TMEM94: variants seen among roughly 807,000 people sequenced by gnomAD.
The protein encoded by TMEM94 is ER Mg2+ ATPase.
In TMEM94, 81 loss-of-function variants were observed where a neutral mutation model predicts 158.6. The observed-to-expected ratio is 0.51, with a 90% CI of 0.43 to 0.61. The LOEUF (loss-of-function observed/expected upper bound fraction) is 0.61. Among genes scored for constraint, TMEM94 ranks in the 20% least tolerant of loss-of-function variants. The pLI, the probability that TMEM94 is intolerant of heterozygous loss-of-function variation, is 0.00. For synonymous variants in TMEM94, 751 were observed against 730.7 expected, an observed-to-expected ratio of 1.03 and a Z score of -0.45; for missense variants, 1,435 against 1,762.0, an observed-to-expected ratio of 0.81 and a Z score of 3.32.
In TMEM94 at chr17:75,491,736, C is replaced by T. The variant is rs773456356; in HGVS notation, c.1432C>T (p.Leu478=). ...ALLAGSLNNT[L]HLSNEQERGD... ...CCTGGCTGGCTCCCTGAACAACACC[C>T]TGCACCTTTCCAATGAGCAGGAGCG... The change falls in exon 14 of 32, where the codon CTG becomes TTG. Residue 478 remains leucine (L), a synonymous_variant. Coordinates refer to ENST00000314256, the MANE Select transcript of TMEM94 (RefSeq NM_014738.6). The surrounding 1 kb of genome is among the most constrained non-coding windows in gnomAD (Gnocchi z 5.1). 3 of 1,614,096 alleles carry T rather than the reference C, an allele frequency of 1.9e-6. No individual in the cohort carries two copies. Among genetic ancestry groups the T allele is most frequent in the East Asian group, 2.2e-5 (1 of 44,882 alleles).
chr17:75,464,925 C>T (rs1445481541), intron 1 of TMEM94, among the ~76,000 whole-genome samples: 4 of 151,690 alleles, frequency 2.6e-5, no homozygotes, highest in Non-Finnish European at 4.4e-5. Context: ...TCTTGAACTC[C>T]CGACCTCAGG....
Position 75,489,190 on chromosome 17 carries a change from G to A in TMEM94, c.765-76G>A, listed in dbSNP as rs1322227837. 2.2e-6 allele frequency: 3 copies of A among 1,389,790 alleles called. No homozygotes were observed. The East Asian group carries it at 6.9e-5, about 32-fold the overall frequency. 86.1% of individuals were successfully genotyped at this position (1,389,790 alleles called of 1,614,324 possible). ...GCTTGAAGAAGCGGTATCTGGCAGA[G>A]AGGCCCAGAATCCTCCCAAGGTGTA... On this transcript the variant is annotated intron_variant, in intron 7 of 31. Coordinates refer to ENST00000314256, the MANE Select transcript of TMEM94 (RefSeq NM_014738.6). The surrounding 1 kb of genome is among the most constrained non-coding windows in gnomAD (Gnocchi z 5.0).
chr17:75,486,269 G>A, intron 4 of TMEM94, 21 bp from the exon 5 acceptor site: 2 of 1,613,668 alleles, frequency 1.2e-6, no homozygotes, highest in Non-Finnish European at 8.5e-7. Context: ...TGTGGGTGCG[G>A]CCTCTCTTTC....
chr17:75,498,973 C>T lies in TMEM94; in HGVS notation c.3889C>T (p.His1297Tyr). 3.8e-6 allele frequency: 6 copies of T among 1,597,278 alleles called. No homozygotes were observed. The highest frequency in any genetic ancestry group is 4.3e-6 in the Non-Finnish European group (5 of 1,172,348). The change falls in exon 31 of 32, where the codon CAC becomes TAC. Residue 1297 changes from histidine to tyrosine, a missense_variant. Physicochemically the swap from His to Tyr is moderately conservative, Grantham distance 83 (BLOSUM62 2). Coordinates refer to ENST00000314256, the MANE Select transcript of TMEM94 (RefSeq NM_014738.6). This position sits in a 1 kb window ranked among gnomAD's most constrained non-coding sequence, Gnocchi z 6.7. ...DLQLWTHRDS[H>Y]VHFGLEDVPL... ...GCAGCTGTGGACACACAGGGACAGC[C>T]ACGTCCACTTTGGCCTGGAGGACGT...
intron 1 of TMEM94, among the ~76,000 whole-genome samples, chr17:75,468,488 C>G (rs1231996386): frequency 6.6e-6 from 1 of 152,232 alleles, no homozygotes; most frequent in Non-Finnish European, 1.5e-5. Flanking sequence ...CAGTCGTAAG[C>G]AGGACTGGGG....
intron 2 of TMEM94, among the ~76,000 whole-genome samples, chr17:75,482,365 G>A (rs1449544946): frequency 6.6e-6 from 1 of 151,024 alleles, no homozygotes; most frequent in Non-Finnish European, 1.5e-5. Flanking sequence ...AAAAAAAAAA[G>A]CAAAGAAAAT....
chr17:75,476,270 T>C (rs1419653054), intron 2 of TMEM94, among the ~76,000 whole-genome samples: 3 of 152,046 alleles, frequency 2.0e-5, no homozygotes, highest in Non-Finnish European at 4.4e-5. Flanking sequence ...TATCCCTCTG[T>C]CTGTCCATAT....
chr17:75,495,906 C>A lies in TMEM94; in HGVS notation c.2945-60C>A. The A allele has an allele frequency of 2.4e-6, 3 of 1,251,800 alleles. No individual in the cohort carries two copies. Among genetic ancestry groups the A allele is most frequent in the Non-Finnish European group, 2.3e-6 (2 of 862,930 alleles). 77.5% of individuals were successfully genotyped at this position (1,251,800 alleles called of 1,614,324 possible). Reference sequence around the variant, plus strand: ...TGCTCTCCTGTCCCATGGGTCTCTGCCCAGTGCCCACTTGGTGCTCTGCCT... The same window carrying A: ...TGCTCTCCTGTCCCATGGGTCTCTGACCAGTGCCCACTTGGTGCTCTGCCT... On this transcript the variant is annotated intron_variant, in intron 22 of 31. Transcript: ENST00000314256. The surrounding 1 kb of genome is among the most constrained non-coding windows in gnomAD (Gnocchi z 5.6).
rs531836216 is a variant in TMEM94 at position 75,489,579 on chromosome 17, G to A, written c.871G>A (p.Gly291Ser). 5.0e-6 allele frequency: 8 copies of A among 1,613,946 alleles called. No homozygotes were observed. The highest frequency in any genetic ancestry group is 3.3e-5 in the South Asian group (3 of 91,078). Residue 291 changes from glycine to serine, a missense_variant, in exon 9 of 32, where the codon GGC (glycine) becomes AGC (serine). Around this residue, in one of 3 missense-constraint regions of TMEM94, gnomAD observed 1,051 missense variants for 1,254.4 expected, o/e 0.84. Transcript: ENST00000314256. This position sits in a 1 kb window ranked among gnomAD's most constrained non-coding sequence, Gnocchi z 5.0. ...GTGCCTCTGCTGTTCCCAACAGGCCGGCTTCCTCATCACCAATGCCCTGCG... is the reference window on the plus strand; with the variant it reads ...GTGCCTCTGCTGTTCCCAACAGGCCAGCTTCCTCATCACCAATGCCCTGCG... The part of the protein sequence containing the change: ...LHYAVPVVLA[G>S]FLITNALRFI...
chr17:75,468,845 C>T, intron 1 of TMEM94, among the ~76,000 whole-genome samples: 1 of 152,182 alleles, frequency 6.6e-6, no homozygotes, highest in East Asian at 1.9e-4. Context: ...CTGCCTGGCA[C>T]CCCTTGACAA....
intron 2 of TMEM94, among the ~76,000 whole-genome samples, chr17:75,474,795 T>C (rs891759626): frequency 6.6e-6 from 1 of 152,240 alleles, no homozygotes; most frequent in African/African-American, 2.4e-5. Flanking sequence ...TTGATGGTTC[T>C]CTGCTTCTGA....
rs2052398956 is a variant in TMEM94, at chr17:75,493,477, A to T, written c.2087-14A>T. On this transcript the variant is annotated splice_polypyrimidine_tract_variant and intron_variant, in intron 16 of 31. Transcript: ENST00000314256. ...CTGGTTAGCGACACTCAGGGTTTGA[A>T]CTCTCTCCCCCAGGCACAGAGCAGA... 6.2e-7 allele frequency: 1 copy of T among 1,612,144 alleles called. No individual in the cohort carries two copies. The highest frequency in any genetic ancestry group is 8.5e-7 in the Non-Finnish European group (1 of 1,178,928).
intron 1 of TMEM94, among the ~76,000 whole-genome samples, chr17:75,465,679 A>ATATATATTTTTTTT (rs1247855961): frequency 1.4e-3 from 169 of 124,766 alleles, no homozygotes; most frequent in Middle Eastern, 4.3e-3. Flanking sequence ...ATATATATAT[A>ATATATATTTTTTTT]TTTTTTTTTA....
Position 75,495,483 on chromosome 17 carries a change from C to T in TMEM94, c.2845-61C>T, listed in dbSNP as rs1042143703. 2.9e-5 allele frequency: 46 copies of T among 1,584,712 alleles called. No homozygotes were observed. The highest frequency in any genetic ancestry group is 3.5e-5 in the Non-Finnish European group (41 of 1,155,056). On this transcript the variant is annotated intron_variant, in intron 21 of 31. Coordinates refer to ENST00000314256, the MANE Select transcript of TMEM94 (RefSeq NM_014738.6). This position sits in a 1 kb window ranked among gnomAD's most constrained non-coding sequence, Gnocchi z 5.6. The stretch of plus-strand genomic sequence containing the variant: ...GAGAGGTAGAGAGGTGGTGGGCAGG[C>T]GGTGGAGGGGAGGGATGCTGATCCC...
chr17:75,462,173 G>GCT (rs1567903615), intron 1 of TMEM94, among the ~76,000 whole-genome samples: 3 of 151,218 alleles, frequency 2.0e-5, no homozygotes, highest in Admixed American at 2.0e-4. Flanking sequence ...AGCACTCTCA[G>GCT]CTAATTTTTT....
In TMEM94 at chr17:75,493,683, C is replaced by T. The variant is rs1384229248; in HGVS notation, c.2190-16C>T. 1.2e-6 allele frequency: 2 copies of T among 1,613,920 alleles called. No individual in the cohort carries two copies. The highest frequency in any genetic ancestry group is 1.7e-5 in the Admixed American group (1 of 60,022). ...GGCAGGAACACTCACCTCACCTCCG[C>T]CTGCTTCCCTGGCAGAAAGAAAGTG... On this transcript the variant is annotated splice_polypyrimidine_tract_variant and intron_variant, in intron 17 of 31. Transcript: ENST00000314256.
At chr17:75,478,391 G>A (rs1181051645) in intron 2 of TMEM94, among the ~76,000 whole-genome samples, 1 of 151,736 alleles carries the variant, frequency 6.6e-6, no homozygotes, top group East Asian at 1.9e-4. Flanking sequence ...AGGGGACAGG[G>A]CCTGGGGCTT....
At position 75,471,799 on chromosome 17, in the gene TMEM94, G is replaced by C; in HGVS notation, c.-106-1G>C. ...GTGATTTCTTTCTTCTTTTTCCCCA[G>C]ATGTTGTGACTGTGACAGACTCACT... On this transcript the variant is annotated splice_acceptor_variant, in intron 1 of 31. Coordinates refer to ENST00000314256, the MANE Select transcript of TMEM94 (RefSeq NM_014738.6). LOFTEE classifies it low-confidence loss of function (5UTR_SPLICE). 1 of 1,102,902 alleles carries C rather than the reference G, an allele frequency of 9.1e-7. No individual in the cohort carries two copies. 68.3% of individuals were successfully genotyped at this position (1,102,902 alleles called of 1,614,324 possible).
At position 75,492,227 on chromosome 17, in the gene TMEM94, C is replaced by A; in HGVS notation, c.1597-247C>A. 7.1e-7 allele frequency: 1 copy of A among 1,415,800 alleles called. No homozygotes were observed. The highest frequency in any genetic ancestry group is 9.2e-7 in the Non-Finnish European group (1 of 1,088,570). 87.7% of individuals were successfully genotyped at this position (1,415,800 alleles called of 1,614,324 possible). A position where few individuals can be genotyped will look rare whatever the true frequency, so the allele number is the denominator to read the frequency against. ...ACTGTGTCCTCTTTGGTCTGGCCAC[C>A]CCTCTTTTTAGCTCCTGCCAGTGTC... On this transcript the variant is annotated intron_variant, in intron 14 of 31. Transcript: ENST00000314256. This position sits in a 1 kb window ranked among gnomAD's most constrained non-coding sequence, Gnocchi z 4.4.
Sources: gnomAD v4.1 joint callset for allele counts (sites outside exome capture counted in the v4.1 genomes callset) on GRCh38, gnomAD v4.1.1 for gene constraint, gnomAD v4.1.1 regional missense constraint, Gnocchi (gnomAD v3.1) non-coding constraint, MANE v1.5 for transcripts, NCBI Gene and HGNC (gene_info 2026-07-23, HGNC 2026-07-21) for gene names.